Variants in UQCC1 observed in about 807,000 individuals in gnomAD.
The protein encoded by UQCC1 is ubiquinol-cytochrome c reductase complex assembly factor 1, also known as bFGF-repressed Zic-binding protein.
A neutral mutation model predicts 48.0 loss-of-function variants in UQCC1; 38 were observed. The ratio of observed to expected loss-of-function variants is 0.79; its 90% CI spans 0.61 to 1.04. The LOEUF (loss-of-function observed/expected upper bound fraction) is 1.04. UQCC1 is among the 50% of genes least tolerant of loss of function. UQCC1 has a pLI of 0.00. For missense variants in UQCC1, 368 were observed against 381.8 expected (o/e 0.96, Z 0.30); for synonymous variants, 111 against 129.2 (o/e 0.86, Z 0.95).
intron 6 of UQCC1, among the ~76,000 whole-genome samples, chr20:35,351,645 G>C (rs1190175549): frequency 6.6e-6 from 1 of 152,144 alleles, no homozygotes; most frequent in Non-Finnish European, 1.5e-5. Context: ...GTGAGGTAAT[G>C]GAATTCTTCA....
chr20:35,402,944 G>T (rs892844348), intron 1 of UQCC1, among the ~76,000 whole-genome samples: 3 of 151,888 alleles, frequency 2.0e-5, no homozygotes, highest in Non-Finnish European at 4.4e-5. Flanking sequence ...GCATGCACCT[G>T]CAGTCCCAGC....
intron 2 of UQCC1, chr20:35,392,375 A>G: frequency 1.1e-6 from 1 of 939,184 alleles, no homozygotes; most frequent in South Asian, 1.4e-5. Flanking sequence ...AGCATGAGAT[A>G]AACCACCCTC....
intron 2 of UQCC1, among the ~76,000 whole-genome samples, chr20:35,389,568 A>G (rs1330917901): frequency 3.9e-5 from 6 of 152,212 alleles, no homozygotes; most frequent in African/African-American, 7.2e-5. Context: ...GTCTCAAAAA[A>G]AAAAGAAAAG....
intron 4 of UQCC1, among the ~76,000 whole-genome samples, chr20:35,379,199 G>A (rs1462606579): frequency 6.6e-6 from 1 of 152,168 alleles, no homozygotes; most frequent in East Asian, 1.9e-4. Flanking sequence ...GTAAGGGAAA[G>A]CTACATTTAA....
chr20:35,386,221 A>T (rs113442310), intron 2 of UQCC1: 110 of 394,824 alleles, frequency 2.8e-4, no homozygotes, highest in African/African-American at 2.2e-3. Flanking sequence ...TAGCCAAAAT[A>T]ATTCTGGCAA....
intron 6 of UQCC1, among the ~76,000 whole-genome samples, chr20:35,353,505 C>T (rs1398433368): frequency 6.7e-6 from 1 of 149,278 alleles, no homozygotes; most frequent in Non-Finnish European, 1.5e-5. Flanking sequence ...TTAATGTAGC[C>T]TATGGCCAGG....
chr20:35,409,036 G>A (rs1024174807), intron 1 of UQCC1, among the ~76,000 whole-genome samples: 1 of 152,128 alleles, frequency 6.6e-6, no homozygotes, highest in African/African-American at 2.4e-5. Context: ...GCCAGGGGCT[G>A]GGGAGAAAAG....
At chr20:35,389,263 C>A (rs1484628500) in intron 2 of UQCC1, among the ~76,000 whole-genome samples, 1 of 152,012 alleles carries the variant, frequency 6.6e-6, no homozygotes, top group Non-Finnish European at 1.5e-5. Flanking sequence ...ATCTAATCAA[C>A]AAAATAACTA....
rs1221826661 is a variant in UQCC1, at chr20:35,382,034, C to T, written c.226-9G>A. Reference sequence around the variant, plus strand: ...TCTTTGGTAGTAGAAAGCTGATTAACCAAAAAGAAAAAAACTAAAATTAGT... The same window carrying T: ...TCTTTGGTAGTAGAAAGCTGATTAATCAAAAAGAAAAAAACTAAAATTAGT... On this transcript the variant is annotated splice_polypyrimidine_tract_variant and intron_variant, in intron 3 of 9. Coordinates refer to ENST00000374385, the MANE Select transcript of UQCC1 (RefSeq NM_018244.5). 1 of 1,569,674 alleles carries T rather than the reference C, an allele frequency of 6.4e-7. No homozygotes were observed. Among genetic ancestry groups the T allele is most frequent in the East Asian group, 2.2e-5 (1 of 44,658 alleles).
chr20:35,321,536 G>A (rs1485832747), intron 7 of UQCC1, among the ~76,000 whole-genome samples: 1 of 152,116 alleles, frequency 6.6e-6, no homozygotes, highest in East Asian at 1.9e-4. Context: ...AGGGAAGCTT[G>A]CTATGATGAC....
chr20:35,328,963 A>G (rs2061227924), intron 7 of UQCC1, among the ~76,000 whole-genome samples: 1 of 152,264 alleles, frequency 6.6e-6, no homozygotes, highest in Admixed American at 6.5e-5. Context: ...TATATTATCT[A>G]CCAACCACAT....
chr20:35,323,422 C>A (rs1157025771), intron 7 of UQCC1, among the ~76,000 whole-genome samples: 1 of 152,132 alleles, frequency 6.6e-6, no homozygotes, highest in Non-Finnish European at 1.5e-5. Flanking sequence ...CATCCCAGAG[C>A]AAATCTTTCT....
At chr20:35,330,289 G>A (rs987941885) in intron 7 of UQCC1, among the ~76,000 whole-genome samples, 2 of 152,196 alleles carry the variant, frequency 1.3e-5, no homozygotes, top group African/African-American at 2.4e-5. Flanking sequence ...TGCTACTACC[G>A]CTACTATATG....
intron 9 of UQCC1, 33 bp from the exon 10 acceptor site, chr20:35,304,102 C>G (rs571847646): frequency 6.2e-7 from 1 of 1,613,460 alleles, no homozygotes; most frequent in South Asian, 1.1e-5. Context: ...GAGGAAGCGA[C>G]AGAGGCAGGG....
At chr20:35,328,169 TATGTTA>T (rs915905502) in intron 7 of UQCC1, among the ~76,000 whole-genome samples, 5 of 152,258 alleles carry the variant, frequency 3.3e-5, no homozygotes, top group Non-Finnish European at 7.4e-5. Context: ...TAGAATGCTG[TATGTTA>T]AAGAGATGAT....
In UQCC1 at chr20:35,387,994, T is replaced by C. The variant is rs1040068059; in HGVS notation, c.130-3861A>G. ...TATAAAGTATATTTTCCTATTTTTTTTTTTTTTGAGACGGAGTCTCGCTGT... is the reference window on the plus strand; with the variant it reads ...TATAAAGTATATTTTCCTATTTTTTCTTTTTTTGAGACGGAGTCTCGCTGT... On this transcript the variant is annotated intron_variant, in intron 2 of 9. Coordinates refer to ENST00000374385, the MANE Select transcript of UQCC1 (RefSeq NM_018244.5). 7.9e-5 allele frequency among the ~76,000 whole-genome samples: 12 copies of C among 152,132 alleles called. No individual in the cohort carries two copies. In the East Asian group the frequency reaches 2.3e-3, roughly 29 times the overall value.
chr20:35,344,705 G>GT, intron 7 of UQCC1: 1 of 152,444 alleles, frequency 6.6e-6, no homozygotes, highest in African/African-American at 2.4e-5. Context: ...GTGATATTGT[G>GT]AAATATATAG....
intron 9 of UQCC1, among the ~76,000 whole-genome samples, chr20:35,306,141 C>T (rs1386901124): frequency 2.6e-5 from 4 of 152,150 alleles, no homozygotes; most frequent in African/African-American, 9.7e-5. Context: ...TGTCGGGGAG[C>T]CCTGGGGAGC....
In UQCC1 at chr20:35,411,944, A is replaced by G; in HGVS notation, c.20T>C (p.Val7Ala). ...GAAAATTACTCCTTCACTCACAAGG[A>G]CTCGCACCAGCAACGCCATGTTCCT... MALLVR[V>A]LRNQTSISQW... is the part of the protein sequence containing the mutation. The change falls in exon 1 of 10, where the codon GTC becomes GCC. Residue 7 changes from valine (V) to alanine (A), a missense_variant. Physicochemically the swap from Val to Ala is moderately conservative, Grantham distance 64 (BLOSUM62 0). Coordinates refer to ENST00000374385, the MANE Select transcript of UQCC1 (RefSeq NM_018244.5). 1.4e-5 allele frequency: 23 copies of G among 1,614,064 alleles called. No individual in the cohort carries two copies. The highest frequency in any genetic ancestry group is 1.9e-5 in the Non-Finnish European group (23 of 1,179,998).
Sources: gnomAD v4.1 joint callset for allele counts (sites outside exome capture counted in the v4.1 genomes callset) on GRCh38, gnomAD v4.1.1 for gene constraint, MANE v1.5 for transcripts, NCBI Gene and HGNC (gene_info 2026-07-23, HGNC 2026-07-21) for gene names.